Variants in ADCY2 observed in about 807,000 individuals in gnomAD.
The protein encoded by ADCY2 is adenylate cyclase 2, also known as adenylate cyclase type 2.
In ADCY2, 31 loss-of-function variants were observed where a neutral mutation model predicts 125.2. The observed-to-expected ratio is 0.25, with a 90% CI of 0.19 to 0.33. The LOEUF (loss-of-function observed/expected upper bound fraction) is 0.33, where lower values mean the gene tolerates loss of function less well. ADCY2 is among the 10% of genes least tolerant of loss of function. The pLI is 1.00. For synonymous variants in ADCY2, 512 were observed against 548.4 expected (o/e 0.93, Z 0.93); for missense variants, 904 against 1,418.2 (o/e 0.64, Z 5.82).
intron 3 of ADCY2, among the ~76,000 whole-genome samples, chr5:7,616,465 A>G (rs973443140): frequency 2.6e-5 from 4 of 152,218 alleles, no homozygotes; most frequent in African/African-American, 9.6e-5. Flanking sequence ...GGCTTGTTTT[A>G]TTGCATTTAT....
intron 4 of ADCY2, among the ~76,000 whole-genome samples, chr5:7,634,542 A>G (rs1328900084): frequency 1.3e-5 from 2 of 152,142 alleles, no homozygotes; most frequent in Non-Finnish European, 2.9e-5. Flanking sequence ...TATATGATGC[A>G]CTCAGAATGC....
intron 22 of ADCY2, among the ~76,000 whole-genome samples, chr5:7,806,120 T>C (rs1033047107): frequency 5.3e-5 from 8 of 152,266 alleles, no homozygotes; most frequent in Non-Finnish European, 1.0e-4. Context: ...TAGGGTTTTT[T>C]CCAGAACATT....
rs151013363 is a variant in ADCY2, at chr5:7,541,847, T to C, written c.570+20948T>C. Among the ~76,000 whole-genome samples, 292 of 152,238 alleles carry C rather than the reference T, an allele frequency of 1.9e-3. 2 individuals are homozygous for C. The highest frequency in any genetic ancestry group is 6.7e-3 in the African/African-American group (277 of 41,548). On this transcript the variant is annotated intron_variant, in intron 3 of 24. Coordinates refer to ENST00000338316, the MANE Select transcript of ADCY2 (RefSeq NM_020546.3). Reference sequence around the variant, plus strand: ...AAGATTAGAACAAAAATAATAAAAATACATGTAAAAGAAATAATATAAACT... The same window carrying C: ...AAGATTAGAACAAAAATAATAAAAACACATGTAAAAGAAATAATATAAACT...
In ADCY2 at chr5:7,675,305, A is replaced by G. The variant is rs376509208; in HGVS notation, c.721-15386A>G. Among the ~76,000 whole-genome samples the G allele has an allele frequency of 9.6e-4, 146 of 152,344 alleles. 3 individuals carry two copies. The highest frequency in any genetic ancestry group is 3.4e-3 in the African/African-American group (140 of 41,578). On this transcript the variant is annotated intron_variant, in intron 4 of 24. Transcript: ENST00000338316. ...ATCTTTATGGTTATCAAAAAATGGA[A>G]CCATAATTATTGATCATTATTAAAT... is the stretch of plus-strand genomic sequence containing the variant.
chr5:7,786,204 G>A (rs1744078496), intron 19 of ADCY2, among the ~76,000 whole-genome samples: 1 of 152,200 alleles, frequency 6.6e-6, no homozygotes. Context: ...AGGTGAGCCA[G>A]GAGGCTGACC....
At chr5:7,424,740 A>T (rs1445763836) in intron 2 of ADCY2, among the ~76,000 whole-genome samples, 4 of 152,222 alleles carry the variant, frequency 2.6e-5, no homozygotes, top group Non-Finnish European at 5.9e-5. Context: ...AATAGGACTA[A>T]CTTAGCCCAA....
intron 8 of ADCY2, among the ~76,000 whole-genome samples, chr5:7,707,114 CTG>C (rs1490886281): frequency 1.3e-5 from 2 of 152,210 alleles, no homozygotes; most frequent in African/African-American, 4.8e-5. Context: ...AGTTCAAAGA[CTG>C]TGAATATCAG....
intron 11 of ADCY2, among the ~76,000 whole-genome samples, chr5:7,716,694 C>G (rs1477906236): frequency 6.6e-6 from 1 of 152,132 alleles, no homozygotes; most frequent in Non-Finnish European, 1.5e-5. Flanking sequence ...GAAAAATAGG[C>G]TTACTGACAC....
At chr5:7,413,406 G>A (rs1489213491) in intron 1 of ADCY2, among the ~76,000 whole-genome samples, 1 of 151,950 alleles carries the variant, frequency 6.6e-6, no homozygotes, top group Non-Finnish European at 1.5e-5. Context: ...GCCATTCTCT[G>A]TCTCAGCCTC....
At chr5:7,715,488 C>T (rs910515480) in intron 11 of ADCY2, among the ~76,000 whole-genome samples, 2 of 151,134 alleles carry the variant, frequency 1.3e-5, no homozygotes, top group Non-Finnish European at 2.9e-5. Flanking sequence ...GGTCTAAGGT[C>T]CTACAGGTCT....
Position 7,766,706 on chromosome 5 carries a change from A to G in ADCY2, c.2114A>G (p.Glu705Gly). Residue 705 changes from glutamate (E) to glycine (G), a missense_variant, in exon 17 of 25, where the codon GAG becomes GGG. Around this residue, in one of 7 missense-constraint regions of ADCY2, gnomAD observed 221 missense variants for 246.2 expected, o/e 0.90. Coordinates refer to ENST00000338316, the MANE Select transcript of ADCY2 (RefSeq NM_020546.3). ...TTGCAGTTTTTCCTGAGTGACTCAG[A>G]GGAAACAATCCCTCCAACTGCCAAC... ...VFNMFFLSDS[E>G]ETIPPTANTT... The G allele has an allele frequency of 6.2e-7, 1 of 1,611,920 alleles. No homozygotes were observed. The highest frequency in any genetic ancestry group is 8.5e-7 in the Non-Finnish European group (1 of 1,179,422).
At chr5:7,758,551 C>G (rs1217965566) in intron 16 of ADCY2, among the ~76,000 whole-genome samples, 3 of 152,178 alleles carry the variant, frequency 2.0e-5, no homozygotes, top group African/African-American at 4.8e-5. Flanking sequence ...ATTCATGCAG[C>G]AAAATGTAAT....
chr5:7,606,413 C>G (rs1737378157), intron 3 of ADCY2, among the ~76,000 whole-genome samples: 1 of 151,984 alleles, frequency 6.6e-6, no homozygotes, highest in Admixed American at 6.6e-5. Context: ...GAAGGGGAAG[C>G]CTGGAAAAAC....
chr5:7,541,760 A>T (rs10055876), intron 3 of ADCY2, among the ~76,000 whole-genome samples: 2,528 of 152,348 alleles, frequency 0.017, 74 homozygotes, highest in African/African-American at 0.057. Context: ...ACTAAATCTG[A>T]TGGAAATGGA....
intron 2 of ADCY2, among the ~76,000 whole-genome samples, chr5:7,481,752 T>G (rs1742739424): frequency 6.8e-6 from 1 of 146,838 alleles, no homozygotes. Flanking sequence ...TCCAATGAGT[T>G]GTCTCTTCAC....
intron 22 of ADCY2, among the ~76,000 whole-genome samples, chr5:7,807,161 C>T (rs1441708058): frequency 6.6e-6 from 1 of 152,228 alleles, no homozygotes; most frequent in East Asian, 1.9e-4. Flanking sequence ...ATCAGTGTCA[C>T]TCTACAGCCC....
chr5:7,583,598 T>C (rs769404701), intron 3 of ADCY2, among the ~76,000 whole-genome samples: 2 of 152,054 alleles, frequency 1.3e-5, no homozygotes, highest in Non-Finnish European at 2.9e-5. Flanking sequence ...TTTAAAAGAA[T>C]GACAACACCA....
chr5:7,642,132 A>G (rs2126674660), intron 4 of ADCY2, among the ~76,000 whole-genome samples: 1 of 152,306 alleles, frequency 6.6e-6, no homozygotes, highest in East Asian at 1.9e-4. Flanking sequence ...ACTAATTTAC[A>G]TTTCCACCAA....
chr5:7,657,914 G>A (rs1401620510), intron 4 of ADCY2: 1 of 152,248 alleles, frequency 6.6e-6, no homozygotes, highest in Non-Finnish European at 1.5e-5. Flanking sequence ...TGACTGAGGA[G>A]GGAGGCAGCT....
Sources: allele counts gnomAD v4.1 joint callset (sites outside exome capture counted in the v4.1 genomes callset), GRCh38; gene constraint gnomAD v4.1.1; regional missense constraint gnomAD v4.1.1; transcripts MANE v1.5; gene names NCBI Gene and HGNC (gene_info 2026-07-23, HGNC 2026-07-21).